Variants in LAYN observed in about 807,000 individuals in gnomAD.
LAYN encodes layilin.
In LAYN, 38 loss-of-function variants were observed where a neutral mutation model predicts 43.6. The observed-to-expected ratio is 0.87, with a 90% CI of 0.67 to 1.14. LAYN has a LOEUF of 1.14. Among genes scored for constraint, LAYN ranks in the 50% most tolerant of loss-of-function variants. LAYN has a pLI of 0.00. For missense variants in LAYN, 479 were observed against 463.8 expected (o/e 1.03, Z -0.30); for synonymous variants, 168 against 172.9 (o/e 0.97, Z 0.22).
intron 3 of LAYN, among the ~76,000 whole-genome samples, chr11:111,552,263 G>A (rs1336523434): frequency 6.6e-6 from 1 of 152,122 alleles, no homozygotes; most frequent in Non-Finnish European, 1.5e-5. Context: ...TCAAAGCTAG[G>A]TTTGGTGTCT....
chr11:111,555,265 C>CA lies in LAYN; in HGVS notation c.640dup (p.Thr214AsnfsTer3), dbSNP rs1320002047. ...CAGAAGAAACACAGGAAGAAGATGC[C>CA]AAAAAAACATTTAAAGAAAGTAGAG... On this transcript the variant is annotated frameshift_variant, in exon 5 of 7. Coordinates refer to ENST00000375614, the MANE Select transcript of LAYN (RefSeq NM_178834.5). LOFTEE classifies it high-confidence loss of function. 5 of 1,612,884 alleles carry CA rather than the reference C, an allele frequency of 3.1e-6. No homozygotes were observed. Among genetic ancestry groups the CA allele is most frequent in the Non-Finnish European group, 4.2e-6 (5 of 1,179,324 alleles).
At position 111,554,571 on chromosome 11, in the gene LAYN, A is replaced by G; in HGVS notation, c.552A>G (p.Ala184=). 6.2e-7 allele frequency: 1 copy of G among 1,612,940 alleles called. No homozygotes were observed. The highest frequency in any genetic ancestry group is 8.5e-7 in the Non-Finnish European group (1 of 1,179,562). The change falls in exon 4 of 7, where the codon GCA becomes GCG. Residue 184 remains alanine (A), a synonymous_variant. Coordinates refer to ENST00000375614, the MANE Select transcript of LAYN (RefSeq NM_178834.5). ...TTCTTTCTACTACAGAGAAACCAGC[A>G]GTTCCTTCTAGAGAAGCTGAAGGTA... The part of the protein sequence containing the change: ...FICKYSDEKP[A]VPSREAEGEE...
At position 111,558,172 on chromosome 11, in the gene LAYN, C is replaced by A. The variant is rs564150662; in HGVS notation, c.761+529C>A. Among the ~76,000 whole-genome samples, 13 of 152,290 alleles carry A rather than the reference C, an allele frequency of 8.5e-5. No homozygotes were observed. In the South Asian group the frequency reaches 2.7e-3, roughly 32 times the overall value. ...CTACACTAGGTGGCATCAACAATTT[C>A]TGTATATGGTCAGGATCGTGTGCCA... On this transcript the variant is annotated intron_variant, in intron 6 of 6. Transcript: ENST00000375614.
chr11:111,545,074 A>ATATATATATATATATATATATTTT (rs1170875315), intron 2 of LAYN, among the ~76,000 whole-genome samples: 6 of 148,390 alleles, frequency 4.0e-5, no homozygotes, highest in African/African-American at 1.3e-4. Context: ...ATATATATAT[A>ATATATATATATATATATATATTTT]TTTTTTACCT....
upstream of LAYN, chr11:111,540,713 GC>G (rs1867513505): frequency 1.2e-6 from 1 of 849,640 alleles, no homozygotes; most frequent in African/African-American, 1.8e-5. Context: ...CCTCCCCCCC[GC>G]CTCCCGTGCG....
intron 1 of LAYN, chr11:111,541,500 C>G (rs762601333): frequency 1.6e-4 from 237 of 1,488,452 alleles, no homozygotes; most frequent in Middle Eastern, 8.4e-4. Context: ...TAGTGTGGGA[C>G]GAGCCCCACC....
intron 3 of LAYN, among the ~76,000 whole-genome samples, chr11:111,553,108 T>G (rs1171373958): frequency 6.6e-6 from 1 of 151,968 alleles, no homozygotes; most frequent in Non-Finnish European, 1.5e-5. Flanking sequence ...CCGGGCATGG[T>G]GGTGGGCACC....
intron 1 of LAYN, 44 bp downstream of exon 1, chr11:111,540,972 C>A: frequency 6.7e-7 from 1 of 1,491,348 alleles, no homozygotes; most frequent in South Asian, 1.2e-5. Context: ...GGGGTGGGCT[C>A]ACTGCACCCC....
intron 2 of LAYN, 95 bp downstream of exon 2, chr11:111,544,315 G>C: frequency 8.2e-7 from 1 of 1,225,446 alleles, no homozygotes; most frequent in Non-Finnish European, 1.1e-6. Context: ...GGGAAGAGAA[G>C]ACCAACCAGG....
chr11:111,559,564 T>C (rs184160648), intron 6 of LAYN, among the ~76,000 whole-genome samples: 474 of 152,126 alleles, frequency 3.1e-3, no homozygotes, highest in Admixed American at 7.8e-3. Flanking sequence ...TCCCAGGTTA[T>C]CCTCCCACCT....
At position 111,544,040 on chromosome 11, in the gene LAYN, G is replaced by T. The variant is rs563598463; in HGVS notation, c.203G>T (p.Gly68Val). The change falls in exon 2 of 7, where the codon GGC (glycine) becomes GTC (valine). Residue 68 changes from glycine to valine, a missense_variant. By Grantham distance (109) the Gly-to-Val change is moderately radical (BLOSUM62 -3). Transcript: ENST00000375614. ...AAAGAAGCCTGCAGGAGGGATGGAG[G>T]CCAGCTAGTCAGCATCGAGTCTGAA... ...EAKEACRRDG[G>V]QLVSIESEDE... The T allele has an allele frequency of 4.3e-6, 7 of 1,614,196 alleles. No homozygotes were observed. The East Asian group carries it at 8.9e-5, about 21-fold the overall frequency.
rs1463472126 is a variant in LAYN at position 111,555,207 on chromosome 11, G to A, written c.575G>A (p.Gly192Asp). The part of the protein sequence containing the change: ...KPAVPSREAE[G>D]EETELTTPVL... ...CACAAGTCCATGTGTCTCTCTCCAGGTGAGGAAACAGAGCTGACAACACCT... is the reference window on the plus strand; with the variant it reads ...CACAAGTCCATGTGTCTCTCTCCAGATGAGGAAACAGAGCTGACAACACCT... The change falls in exon 5 of 7, where the codon GGT becomes GAT. Residue 192 changes from glycine (G) to aspartate (D), a missense_variant and splice_region_variant. Transcript: ENST00000375614. The A allele has an allele frequency of 2.5e-6, 4 of 1,611,620 alleles. No individual in the cohort carries two copies. Among genetic ancestry groups the A allele is most frequent in the South Asian group, 1.1e-5 (1 of 90,946 alleles).
At chr11:111,541,401 C>A in intron 1 of LAYN, 1 of 681,258 alleles carries the variant, frequency 1.5e-6, no homozygotes, top group Non-Finnish European at 2.6e-6. Flanking sequence ...GGGAACCCTG[C>A]CTGTTACTCC....
At position 111,561,640 on chromosome 11, in the gene LAYN, TCCCTC is replaced by T. The variant is rs1461325272; in HGVS notation, c.*1183_*1187del. Reference sequence around the variant, plus strand: ...GCCATTATTTAAATCACCAGCAATTTCCCTCAATCAGCTTCATAATCTCATATTTT... The same window carrying T: ...GCCATTATTTAAATCACCAGCAATTTAATCAGCTTCATAATCTCATATTTT... On this transcript the variant is annotated 3_prime_UTR_variant, in exon 7 of 7. Coordinates refer to ENST00000375614, the MANE Select transcript of LAYN (RefSeq NM_178834.5). 6.6e-6 allele frequency: 1 copy of T among 152,172 alleles called. No individual in the cohort carries two copies. The highest frequency in any genetic ancestry group is 6.5e-5 in the Admixed American group (1 of 15,280). The allele number at this position is 152,172 out of a possible 1,614,324, so 9.4% of individuals were successfully genotyped here.
intron 2 of LAYN, 45 bp downstream of exon 2, chr11:111,544,265 CA>C (rs757543718): frequency 1.9e-5 from 29 of 1,554,504 alleles, no homozygotes; most frequent in Non-Finnish European, 2.5e-5. Flanking sequence ...TGACATAACT[CA>C]AAAAAGAGGC....
chr11:111,555,346 T>C (rs1867818241), intron 5 of LAYN, 56 bp downstream of exon 5: 4 of 1,261,660 alleles, frequency 3.2e-6, no homozygotes, highest in Non-Finnish European at 4.6e-6. Context: ...TGATTACAAA[T>C]TACCCATGGT....
chr11:111,557,986 G>A (rs1274740047), intron 6 of LAYN, among the ~76,000 whole-genome samples: 3 of 152,214 alleles, frequency 2.0e-5, no homozygotes, highest in Non-Finnish European at 4.4e-5. Flanking sequence ...TTTGTGGACT[G>A]AGTGAAGGAA....
At chr11:111,544,304 G>C in intron 2 of LAYN, 84 bp downstream of exon 2, 3 of 1,394,826 alleles carry the variant, frequency 2.2e-6, no homozygotes, top group Non-Finnish European at 2.9e-6. Context: ...CCAGATCAGT[G>C]GGGAAGAGAA....
intron 3 of LAYN, among the ~76,000 whole-genome samples, chr11:111,550,668 G>A (rs559091078): frequency 2.3e-4 from 35 of 152,286 alleles, no homozygotes; most frequent in African/African-American, 8.4e-4. Context: ...CTTCTCTCCA[G>A]TGACCTGGCC....
Sources: allele counts gnomAD v4.1 joint callset (sites outside exome capture counted in the v4.1 genomes callset), GRCh38; gene constraint gnomAD v4.1.1; transcripts MANE v1.5; gene names NCBI Gene and HGNC (gene_info 2026-07-23, HGNC 2026-07-21).